Variants in SVIL observed in about 807,000 individuals in gnomAD.
SVIL encodes the protein archvillin.
Under a neutral mutation model 240.4 loss-of-function variants are expected in SVIL, and 101 were observed. The observed-to-expected ratio is 0.42, with a 90% CI of 0.36 to 0.50. The LOEUF is 0.50. Among genes scored for constraint, SVIL ranks in the 20% least tolerant of loss-of-function variants. The pLI is 0.01. For missense variants in SVIL, 2,512 were observed against 2,818.7 expected, an observed-to-expected ratio of 0.89 and a Z score of 2.46; for synonymous variants, 999 against 1,100.0, an observed-to-expected ratio of 0.91 and a Z score of 1.82.
chr10:29,593,993 C>T (rs1293081439), intron 1 of SVIL, among the ~76,000 whole-genome samples: 1 of 152,164 alleles, frequency 6.6e-6, no homozygotes, highest in Non-Finnish European at 1.5e-5. Flanking sequence ...TAGTGTACTA[C>T]AGGTTGAGCA....
intron 1 of SVIL, among the ~76,000 whole-genome samples, chr10:29,686,901 A>T (rs1961105504): frequency 6.6e-6 from 1 of 152,206 alleles, no homozygotes; most frequent in Non-Finnish European, 1.5e-5. Flanking sequence ...GTTTTGATTG[A>T]ATCCACTTTA....
chr10:29,562,718 G>A (rs1227019057), intron 3 of SVIL, among the ~76,000 whole-genome samples: 1 of 143,536 alleles, frequency 7.0e-6, no homozygotes, highest in African/African-American at 2.6e-5. Flanking sequence ...CCGACATTGT[G>A]CCATTGCACT....
upstream of SVIL, among the ~76,000 whole-genome samples, chr10:29,638,718 A>G (rs533256005): frequency 6.6e-5 from 10 of 152,194 alleles, no homozygotes; most frequent in Non-Finnish European, 1.2e-4. Context: ...TTGATACAGA[A>G]TAAGAAATGG....
At chr10:29,694,438 T>G (rs1452287241) in intron 1 of SVIL, among the ~76,000 whole-genome samples, 1 of 151,710 alleles carries the variant, frequency 6.6e-6, no homozygotes, top group African/African-American at 2.4e-5. Context: ...TGAGCATGGT[T>G]ACATTACAAG....
At chr10:29,563,536 G>A (rs1196354213) in intron 2 of SVIL, among the ~76,000 whole-genome samples, 1 of 152,186 alleles carries the variant, frequency 6.6e-6, no homozygotes, top group African/African-American at 2.4e-5. Context: ...GGTGTGATGT[G>A]TGAAAACATT....
intron 3 of SVIL, among the ~76,000 whole-genome samples, chr10:29,652,648 C>A (rs1254419317): frequency 6.6e-6 from 1 of 152,152 alleles, no homozygotes; most frequent in East Asian, 1.9e-4. Flanking sequence ...TGAAGAACTG[C>A]TGGACTGTTT....
chr10:29,675,364 C>G (rs1960119649), intron 2 of SVIL, among the ~76,000 whole-genome samples: 1 of 152,178 alleles, frequency 6.6e-6, no homozygotes, highest in African/African-American at 2.4e-5. Flanking sequence ...ATTAGCTGGA[C>G]ATGGTGGTGC....
intron 15 of SVIL, 85 bp from the exon 16 acceptor site, chr10:29,522,720 G>A: frequency 6.9e-7 from 1 of 1,451,578 alleles, no homozygotes. Flanking sequence ...GCAGCTCTCA[G>A]GGTTCAATCC....
At chr10:29,561,124 G>C (rs1053773135) in intron 3 of SVIL, among the ~76,000 whole-genome samples, 8 of 152,222 alleles carry the variant, frequency 5.3e-5, no homozygotes, top group African/African-American at 1.9e-4. Flanking sequence ...CCCAGCCGGG[G>C]CACTGGCACT....
chr10:29,559,910 G>A (rs903643298), intron 3 of SVIL, among the ~76,000 whole-genome samples: 1 of 152,164 alleles, frequency 6.6e-6, no homozygotes, highest in Non-Finnish European at 1.5e-5. Flanking sequence ...CAATATTCTA[G>A]ACAATTTGGT....
intron 2 of SVIL, among the ~76,000 whole-genome samples, chr10:29,673,797 C>T (rs556779647): frequency 6.6e-6 from 1 of 152,234 alleles, no homozygotes; most frequent in East Asian, 1.9e-4. Flanking sequence ...CAGAGCCAAA[C>T]CATATCAGCA....
At chr10:29,619,582 G>A (rs188416075) in intron 1 of SVIL, among the ~76,000 whole-genome samples, 4 of 152,254 alleles carry the variant, frequency 2.6e-5, no homozygotes, top group African/African-American at 4.8e-5. Context: ...TCCAGGAGTC[G>A]GCCATGAATT....
intron 1 of SVIL, among the ~76,000 whole-genome samples, chr10:29,628,859 G>T (rs1957975998): frequency 6.6e-6 from 1 of 152,182 alleles, no homozygotes; most frequent in South Asian, 2.1e-4. Flanking sequence ...GACAGAAAAT[G>T]ATTTTTAAAA....
At chr10:29,486,031 G>A in intron 26 of SVIL, 54 bp downstream of exon 26, 1 of 1,609,524 alleles carries the variant, frequency 6.2e-7, no homozygotes, top group East Asian at 2.2e-5. Context: ...GGCAGCCTGT[G>A]CTGAGTGCTT....
chr10:29,493,239 C>T lies in SVIL; in HGVS notation c.3994G>A (p.Val1332Ile). Reference sequence around the variant, plus strand: ...TTGGGTGCATAAGGATCGAAAATGACATCGAAGTCCTCATCCATCTCCACA... The same window carrying T: ...TTGGGTGCATAAGGATCGAAAATGATATCGAAGTCCTCATCCATCTCCACA... ...SPVEMDEDFD[V>I]IFDPYAPKLT... Residue 1332 changes from valine (V) to isoleucine (I), a missense_variant, in exon 21 of 38, where the codon GTC becomes ATC. Around this residue, in one of 3 missense-constraint regions of SVIL, gnomAD observed 272 missense variants for 406.8 expected, o/e 0.67. Transcript: ENST00000355867. 1 of 1,614,106 alleles carries T rather than the reference C, an allele frequency of 6.2e-7. No homozygotes were observed. Among genetic ancestry groups the T allele is most frequent in the Non-Finnish European group, 8.5e-7 (1 of 1,180,012 alleles).
intron 1 of SVIL, chr10:29,711,992 AC>A (rs1358808972): frequency 6.6e-6 from 1 of 152,118 alleles, no homozygotes; most frequent in African/African-American, 2.4e-5. Context: ...CAAATTCATG[AC>A]GTGTTCAATA....
At chr10:29,600,127 A>G (rs1033877111) in intron 1 of SVIL, among the ~76,000 whole-genome samples, 1 of 151,962 alleles carries the variant, frequency 6.6e-6, no homozygotes, top group East Asian at 1.9e-4. Flanking sequence ...TGCAGCTTCA[A>G]ACTCCTGGGC....
chr10:29,591,494 A>C (rs905947086), intron 1 of SVIL, among the ~76,000 whole-genome samples: 8 of 152,242 alleles, frequency 5.3e-5, no homozygotes, highest in Non-Finnish European at 1.2e-4. Context: ...CTTATAAAAA[A>C]GTAATAGCTC....
chr10:29,719,546 T>C (rs1193508189), intron 1 of SVIL, among the ~76,000 whole-genome samples: 1 of 152,140 alleles, frequency 6.6e-6, no homozygotes, highest in Non-Finnish European at 1.5e-5. Context: ...GTCAATCAAC[T>C]GAAACTGACC....
Sources: allele counts gnomAD v4.1 joint callset (sites outside exome capture counted in the v4.1 genomes callset), GRCh38; gene constraint gnomAD v4.1.1; regional missense constraint gnomAD v4.1.1; transcripts MANE v1.5; gene names NCBI Gene and HGNC (gene_info 2026-07-23, HGNC 2026-07-21).